Variants in LSAMP observed in about 807,000 individuals in gnomAD.
The protein encoded by LSAMP is limbic system-associated membrane protein.
A neutral mutation model predicts 38.6 loss-of-function variants in LSAMP; 7 were observed. That is an observed-to-expected ratio of 0.18 (90% confidence interval 0.10 to 0.34). LSAMP has a LOEUF of 0.34. Among genes scored for constraint, LSAMP ranks in the 10% least tolerant of loss-of-function variants. The probability of loss-of-function intolerance (pLI) is 1.00; values close to 1 mark genes in which losing one functional copy is unlikely to be tolerated. For synonymous variants in LSAMP, 154 were observed against 166.8 expected (o/e 0.92, Z 0.59); for missense variants, 313 against 420.0 (o/e 0.75, Z 2.23).
intron 4 of LSAMP, among the ~76,000 whole-genome samples, chr3:115,844,070 G>A (rs916960791): frequency 4.6e-5 from 7 of 152,210 alleles, no homozygotes; most frequent in Non-Finnish European, 7.4e-5. Context: ...CTCATCATAC[G>A]TTTTCTTTCT....
At chr3:116,308,751 C>T (rs1036624350) in intron 1 of LSAMP, among the ~76,000 whole-genome samples, 4 of 151,980 alleles carry the variant, frequency 2.6e-5, no homozygotes, top group African/African-American at 7.2e-5. Context: ...ATTACCACTA[C>T]GACCTTGAAT....
At chr3:115,839,060 C>T (rs1321235440) in intron 6 of LSAMP, among the ~76,000 whole-genome samples, 3 of 152,174 alleles carry the variant, frequency 2.0e-5, no homozygotes, top group African/African-American at 7.2e-5. Flanking sequence ...CCACAGACAC[C>T]TGCCCCCAAG....
chr3:115,850,066 T>A (rs1184803623), intron 4 of LSAMP, among the ~76,000 whole-genome samples: 2 of 152,242 alleles, frequency 1.3e-5, no homozygotes, highest in Admixed American at 1.3e-4. Flanking sequence ...TAATTTGTTA[T>A]GAGGTATCTT....
chr3:116,049,508 G>A (rs1220830932), intron 2 of LSAMP, among the ~76,000 whole-genome samples: 3 of 152,174 alleles, frequency 2.0e-5, no homozygotes, highest in African/African-American at 7.2e-5. Context: ...CTCTGTGTTT[G>A]TAGGGTAGTT....
intron 3 of LSAMP, among the ~76,000 whole-genome samples, chr3:116,006,717 AC>A (rs1031268744): frequency 6.6e-6 from 1 of 152,204 alleles, no homozygotes. Context: ...CACAGACATG[AC>A]CATAAGCAAT....
At chr3:116,352,921 G>A (rs1329533565) in intron 1 of LSAMP, among the ~76,000 whole-genome samples, 4 of 152,034 alleles carry the variant, frequency 2.6e-5, no homozygotes, top group African/African-American at 7.2e-5. Context: ...TTGGTTGTCT[G>A]AACAAAGAGA....
chr3:116,052,568 C>T (rs1022356803), intron 2 of LSAMP, among the ~76,000 whole-genome samples: 14 of 152,110 alleles, frequency 9.2e-5, no homozygotes, highest in African/African-American at 2.9e-4. Flanking sequence ...AGGTAAGCAC[C>T]GTCCCCGTGA....
rs544782058 is a variant in LSAMP, at chr3:116,099,860, TAC to T, written c.156-13306_156-13305del. Among the ~76,000 whole-genome samples, 292 of 152,226 alleles carry T rather than the reference TAC, an allele frequency of 1.9e-3. 2 individuals are homozygous for T. Among genetic ancestry groups the T allele is most frequent in the African/African-American group, 6.7e-3 (279 of 41,554 alleles). On this transcript the variant is annotated intron_variant, in intron 1 of 6. Transcript: ENST00000490035. Reference sequence around the variant, plus strand: ...TCCTGATCTCACAGAGCACTCCTAATACAGTGTTGGTTTTATTTACATTTAAT... The same window carrying T: ...TCCTGATCTCACAGAGCACTCCTAATAGTGTTGGTTTTATTTACATTTAAT...
intron 1 of LSAMP, among the ~76,000 whole-genome samples, chr3:116,377,937 C>T (rs1356597582): frequency 6.6e-6 from 1 of 152,016 alleles, no homozygotes; most frequent in East Asian, 1.9e-4. Context: ...GTTTAGCATA[C>T]TCCTCTGATA....
chr3:115,848,299 C>T (rs1470419294), intron 4 of LSAMP, among the ~76,000 whole-genome samples: 1 of 152,264 alleles, frequency 6.6e-6, no homozygotes, highest in Non-Finnish European at 1.5e-5. Flanking sequence ...TGGCACGCGC[C>T]TGTAATCCCA....
chr3:115,928,639 T>C (rs1230472592), intron 3 of LSAMP, among the ~76,000 whole-genome samples: 9 of 152,154 alleles, frequency 5.9e-5, no homozygotes, highest in African/African-American at 2.2e-4. Flanking sequence ...CCCAGTGAAA[T>C]GATCCCTGGC....
At chr3:116,437,104 A>G (rs1421168636) in intron 1 of LSAMP, among the ~76,000 whole-genome samples, 1 of 151,766 alleles carries the variant, frequency 6.6e-6, no homozygotes, top group Admixed American at 6.6e-5. Flanking sequence ...AATTAACAGC[A>G]TTTGCAATGA....
chr3:116,078,225 A>G (rs1707789210), intron 2 of LSAMP, among the ~76,000 whole-genome samples: 1 of 151,914 alleles, frequency 6.6e-6, no homozygotes, highest in Admixed American at 6.6e-5. Flanking sequence ...TTAAAATTCC[A>G]TCATTCCTTC....
chr3:115,893,875 T>C (rs752788827), intron 3 of LSAMP, among the ~76,000 whole-genome samples: 10 of 151,968 alleles, frequency 6.6e-5, no homozygotes, highest in African/African-American at 1.2e-4. Flanking sequence ...AGAATCGAGA[T>C]AGATGACCGT....
intron 1 of LSAMP, among the ~76,000 whole-genome samples, chr3:116,098,954 A>AGAAAGCT (rs1708285206): frequency 6.6e-6 from 1 of 152,252 alleles, no homozygotes; most frequent in South Asian, 2.1e-4. Flanking sequence ...AACTGTACAA[A>AGAAAGCT]GAAAGCTGAA....
intron 1 of LSAMP, among the ~76,000 whole-genome samples, chr3:116,260,366 AC>A (rs2046808722): frequency 1.3e-5 from 2 of 152,094 alleles, no homozygotes; most frequent in African/African-American, 4.8e-5. Flanking sequence ...TGGTCACAGG[AC>A]CTCACATACA....
chr3:116,407,464 T>TC (rs1265739407), intron 1 of LSAMP, among the ~76,000 whole-genome samples: 1 of 151,966 alleles, frequency 6.6e-6, no homozygotes, highest in Non-Finnish European at 1.5e-5. Context: ...CCTATGCCAT[T>TC]CCCCCCTATA....
chr3:116,419,926 C>T (rs2049099546), intron 1 of LSAMP, among the ~76,000 whole-genome samples: 1 of 152,156 alleles, frequency 6.6e-6, no homozygotes. Flanking sequence ...GTCAGTTTCT[C>T]TTGACTTAGA....
intron 1 of LSAMP, chr3:116,368,356 C>CCA (rs927626200): frequency 3.3e-5 from 5 of 152,190 alleles, no homozygotes; most frequent in African/African-American, 9.7e-5. Flanking sequence ...GCCCCCAAAA[C>CCA]CACTTTTGTT....
Sources: gnomAD v4.1 joint callset for allele counts (sites outside exome capture counted in the v4.1 genomes callset) on GRCh38, gnomAD v4.1.1 for gene constraint, MANE v1.5 for transcripts, NCBI Gene and HGNC (gene_info 2026-07-23, HGNC 2026-07-21) for gene names.